The following ANO3 variants were observed in gnomAD, a reference collection of about 807,000 sequenced individuals.
ANO3 encodes the protein anoctamin 3.
Under a neutral mutation model 144.8 loss-of-function variants are expected in ANO3, and 99 were observed. The observed-to-expected ratio is 0.68, with a 90% CI of 0.58 to 0.81. The LOEUF (loss-of-function observed/expected upper bound fraction) is 0.81, where lower values mean the gene tolerates loss of function less well. ANO3 is among the 30% of genes least tolerant of loss of function. The pLI is 0.00. For missense variants in ANO3, 905 were observed against 1,202.2 expected (o/e 0.75, Z 3.66); for synonymous variants, 414 against 392.6 (o/e 1.05, Z -0.64).
chr11:26,620,954 A>G (rs545017484), intron 17 of ANO3, among the ~76,000 whole-genome samples: 2 of 152,328 alleles, frequency 1.3e-5, no homozygotes, highest in African/African-American at 4.8e-5. Context: ...GTTCATGTCT[A>G]TGTCCATAGT....
intron 1 of ANO3, among the ~76,000 whole-genome samples, chr11:26,291,508 G>A (rs553550231): frequency 6.6e-6 from 1 of 152,290 alleles, no homozygotes; most frequent in South Asian, 2.1e-4. Flanking sequence ...TAGCCTCGAT[G>A]GTCTTTACAT....
chr11:26,553,236 GT>G lies in ANO3; in HGVS notation c.1290-7del, dbSNP rs1006647820. ...TATGTTTTGTTTTGTTTTTGTTTTTGTTTTTTCTCAAGCCAAGAAATTTGTA... is the reference window on the plus strand; with the variant it reads ...TATGTTTTGTTTTGTTTTTGTTTTTGTTTTTCTCAAGCCAAGAAATTTGTA... On this transcript the variant is annotated splice_polypyrimidine_tract_variant and intron_variant, in intron 12 of 26. Transcript: ENST00000256737. 2,564 of 794,458 alleles carry G rather than the reference GT, an allele frequency of 3.2e-3. 168 individuals carry two copies. Among genetic ancestry groups the G allele is most frequent in the Non-Finnish European group, 3.0e-3 (1,685 of 568,512 alleles). The allele number at this position is 794,458 out of a possible 1,614,324, so 49.2% of individuals were successfully genotyped here. A position where few individuals can be genotyped will look rare whatever the true frequency, so the allele number is the denominator to read the frequency against.
At chr11:26,293,540 T>A in intron 1 of ANO3, among the ~76,000 whole-genome samples, 1 of 104,570 alleles carries the variant, frequency 9.6e-6, no homozygotes, top group African/African-American at 3.6e-5. Context: ...CATGTATATA[T>A]ATATATATAT....
At chr11:26,600,902 G>T (rs995836637) in intron 17 of ANO3, among the ~76,000 whole-genome samples, 2 of 151,678 alleles carry the variant, frequency 1.3e-5, no homozygotes, top group Non-Finnish European at 2.9e-5. Flanking sequence ...TTTCAACATC[G>T]CATGCACTTA....
At chr11:26,469,276 G>C (rs1177110585) in intron 4 of ANO3, among the ~76,000 whole-genome samples, 1 of 151,898 alleles carries the variant, frequency 6.6e-6, no homozygotes, top group East Asian at 1.9e-4. Context: ...AGTTTTCAGA[G>C]TTGCTTCAAA....
At chr11:26,361,141 C>A (rs1182256282) in intron 1 of ANO3, among the ~76,000 whole-genome samples, 1 of 152,098 alleles carries the variant, frequency 6.6e-6, no homozygotes, top group Non-Finnish European at 1.5e-5. Context: ...GTGCTTAAAG[C>A]CTGGATAATG....
At chr11:26,238,141 C>T (rs895263742) in intron 1 of ANO3, among the ~76,000 whole-genome samples, 2 of 152,078 alleles carry the variant, frequency 1.3e-5, no homozygotes, top group African/African-American at 4.8e-5. Context: ...GGCATGAATG[C>T]AACACAGAAT....
intron 7 of ANO3, 116 bp from the exon 8 acceptor site, chr11:26,531,089 G>A: frequency 2.6e-6 from 3 of 1,169,340 alleles, no homozygotes; most frequent in Non-Finnish European, 3.7e-6. Context: ...GGTGTGTGTA[G>A]GTTTGTGTAT....
At chr11:26,622,093 T>G (rs1473925598) in intron 17 of ANO3, among the ~76,000 whole-genome samples, 1 of 152,200 alleles carries the variant, frequency 6.6e-6, no homozygotes, top group African/African-American at 2.4e-5. Flanking sequence ...CTGCTTGAAC[T>G]GATTTTGTAG....
intron 14 of ANO3, among the ~76,000 whole-genome samples, chr11:26,598,014 G>A (rs964306713): frequency 6.6e-6 from 1 of 152,036 alleles, no homozygotes; most frequent in Non-Finnish European, 1.5e-5. Flanking sequence ...TGTGATTCTT[G>A]GAGAAGGCTT....
chr11:26,205,429 AAC>A (rs1229742017), intron 1 of ANO3, among the ~76,000 whole-genome samples: 4 of 152,154 alleles, frequency 2.6e-5, no homozygotes, highest in Non-Finnish European at 5.9e-5. Context: ...TTCAACTATA[AAC>A]CTGAGTGTGT....
intron 1 of ANO3, among the ~76,000 whole-genome samples, chr11:26,209,578 C>A (rs1254679352): frequency 1.5e-5 from 2 of 136,020 alleles, no homozygotes; most frequent in African/African-American, 5.0e-5. Context: ...CACTGTCTTC[C>A]ACAATGGTTG....
chr11:26,493,016 G>A (rs1290807392), intron 4 of ANO3, among the ~76,000 whole-genome samples: 2 of 152,150 alleles, frequency 1.3e-5, no homozygotes, highest in African/African-American at 4.8e-5. Flanking sequence ...GCACATAATA[G>A]ATTCTTAATA....
At chr11:26,523,121 G>A (rs992857902) in intron 6 of ANO3, among the ~76,000 whole-genome samples, 1 of 152,164 alleles carries the variant, frequency 6.6e-6, no homozygotes, top group Admixed American at 6.5e-5. Context: ...AAGAAATGAA[G>A]AAGGAACTTC....
intron 1 of ANO3, among the ~76,000 whole-genome samples, chr11:26,273,226 G>C (rs1420692981): frequency 7.8e-6 from 1 of 127,766 alleles, no homozygotes; most frequent in Non-Finnish European, 1.7e-5. Context: ...GCCTTTTAAA[G>C]TTTTTTTTTT....
intron 1 of ANO3, among the ~76,000 whole-genome samples, chr11:26,375,200 T>C (rs943686194): frequency 1.3e-5 from 2 of 152,150 alleles, no homozygotes; most frequent in African/African-American, 4.8e-5. Flanking sequence ...GAGTACACAA[T>C]CCACATCACT....
At chr11:26,443,944 G>A (rs1282936734) in intron 3 of ANO3, 108 bp downstream of exon 3, 1 of 672,076 alleles carries the variant, frequency 1.5e-6, no homozygotes. Flanking sequence ...TTCATGTTTG[G>A]TTTTTAACGT....
chr11:26,409,074 A>G (rs2133983721), intron 1 of ANO3, among the ~76,000 whole-genome samples: 1 of 151,756 alleles, frequency 6.6e-6, no homozygotes, highest in South Asian at 2.1e-4. Context: ...ATGTATATAC[A>G]TATGTAACAA....
intron 4 of ANO3, among the ~76,000 whole-genome samples, chr11:26,476,154 T>C (rs1859960204): frequency 6.6e-6 from 1 of 152,156 alleles, no homozygotes; most frequent in Admixed American, 6.6e-5. Context: ...CCAGACTCTA[T>C]ACTAATCTGG....
Sources: gnomAD v4.1 joint callset for allele counts (sites outside exome capture counted in the v4.1 genomes callset) on GRCh38, gnomAD v4.1.1 for gene constraint, MANE v1.5 for transcripts, NCBI Gene and HGNC (gene_info 2026-07-23, HGNC 2026-07-21) for gene names.